CCDC178: variants seen among roughly 807,000 people sequenced by gnomAD.
CCDC178 encodes coiled-coil domain containing 178, also known as coiled-coil domain-containing protein 178.
CCDC178 carries 126 observed loss-of-function variants against 117.4 expected under a neutral mutation model. The ratio of observed to expected loss-of-function variants is 1.07; its 90% CI spans 0.93 to 1.24. The LOEUF is 1.24. Ranked by LOEUF, CCDC178 falls within the 50% of genes most tolerant of loss-of-function variation. The pLI is 0.00. For synonymous variants in CCDC178, 283 were observed against 313.4 expected, an observed-to-expected ratio of 0.90 and a Z score of 1.02; for missense variants, 1,030 against 986.9, an observed-to-expected ratio of 1.04 and a Z score of -0.59.
chr18:33,276,363 T>G (rs1180757740), intron 12 of CCDC178, among the ~76,000 whole-genome samples: 4 of 152,092 alleles, frequency 2.6e-5, no homozygotes, highest in Non-Finnish European at 4.4e-5. Context: ...TTAGGACAGT[T>G]AAACTTGAGA....
chr18:32,959,399 T>C (rs978690209), intron 22 of CCDC178, among the ~76,000 whole-genome samples: 1 of 152,126 alleles, frequency 6.6e-6, no homozygotes, highest in African/African-American at 2.4e-5. Context: ...GTGTACACTT[T>C]CTATGAAACA....
chr18:32,985,285 A>G (rs1173185052), intron 21 of CCDC178, among the ~76,000 whole-genome samples: 1 of 151,996 alleles, frequency 6.6e-6, no homozygotes, highest in Non-Finnish European at 1.5e-5. Flanking sequence ...CAAAAATTCA[A>G]CTGCAAATGT....
chr18:33,055,070 G>A (rs1160243726), intron 21 of CCDC178, among the ~76,000 whole-genome samples: 2 of 152,168 alleles, frequency 1.3e-5, no homozygotes, highest in African/African-American at 4.8e-5. Flanking sequence ...CTGCATGTAT[G>A]TCTTCTTTTG....
chr18:33,215,782 T>C, intron 18 of CCDC178, 87 bp from the exon 19 acceptor site: 1 of 1,052,130 alleles, frequency 9.5e-7, no homozygotes, highest in Non-Finnish European at 1.3e-6. Context: ...ATTGGCTGTG[T>C]GAACAACTAA....
chr18:33,088,427 C>T (rs1208287975), intron 21 of CCDC178, among the ~76,000 whole-genome samples: 1 of 151,922 alleles, frequency 6.6e-6, no homozygotes, highest in Non-Finnish European at 1.5e-5. Context: ...TATGGAATAT[C>T]TCTCCATCTA....
intron 20 of CCDC178, among the ~76,000 whole-genome samples, chr18:33,148,477 GGAGGGA>G (rs796141264): frequency 3.5e-4 from 53 of 151,292 alleles, no homozygotes; most frequent in African/African-American, 1.1e-3. Context: ...GGGGAGAGGG[GGAGGGA>G]GAGGGAGAGG....
Position 32,974,682 on chromosome 18 carries a change from C to A in CCDC178, c.2389-1G>T. On this transcript the variant is annotated splice_acceptor_variant, in intron 21 of 22. Transcript: ENST00000383096. LOFTEE classifies it high-confidence loss of function. ...GCATCCTTCTCTGCAGCTGACAGAG[C>A]TAAAGGGAAGAGGGAGGGGAGAAAA... 1 of 1,612,248 alleles carries A rather than the reference C, an allele frequency of 6.2e-7. No homozygotes were observed. Among genetic ancestry groups the A allele is most frequent in the Non-Finnish European group, 8.5e-7 (1 of 1,179,606 alleles).
At chr18:33,211,165 CAGAAA>C (rs1180570939) in intron 20 of CCDC178, among the ~76,000 whole-genome samples, 1 of 151,660 alleles carries the variant, frequency 6.6e-6, no homozygotes, top group Non-Finnish European at 1.5e-5. Flanking sequence ...AAAACTTTCA[CAGAAA>C]AGAGTTTTAA....
chr18:33,425,630 C>G (rs538390596), intron 2 of CCDC178, among the ~76,000 whole-genome samples: 6 of 152,158 alleles, frequency 3.9e-5, no homozygotes, highest in Non-Finnish European at 5.9e-5. Flanking sequence ...GTGTCTGTAT[C>G]TGATCCAATC....
In CCDC178 at chr18:33,138,248, T is replaced by A. The variant is rs2058153291; in HGVS notation, c.2239-45338A>T. Among the ~76,000 whole-genome samples the A allele has an allele frequency of 3.3e-5, 5 of 152,374 alleles. No individual in the cohort carries two copies. The South Asian group carries it at 1.0e-3, about 32-fold the overall frequency. ...GTTACTTAATTCTTTGCATGTCAACTACTTATTAATGTTTATGTATATCTA... is the reference window on the plus strand; with the variant it reads ...GTTACTTAATTCTTTGCATGTCAACAACTTATTAATGTTTATGTATATCTA... On this transcript the variant is annotated intron_variant, in intron 20 of 22. Transcript: ENST00000383096.
intron 21 of CCDC178, among the ~76,000 whole-genome samples, chr18:33,001,262 G>C (rs2055626183): frequency 6.6e-6 from 1 of 152,178 alleles, no homozygotes. Context: ...GCTCATGCCT[G>C]TAATCCCAGC....
Position 33,215,586 on chromosome 18 carries a change from TC to T in CCDC178, c.2041del (p.Glu681LysfsTer12). The T allele has an allele frequency of 6.7e-7, 1 of 1,486,480 alleles. No homozygotes were observed. The highest frequency in any genetic ancestry group is 9.0e-7 in the Non-Finnish European group (1 of 1,112,026). 92.1% of individuals were successfully genotyped at this position (1,486,480 alleles called of 1,614,324 possible). A position where few individuals can be genotyped will look rare whatever the true frequency, so the allele number is the denominator to read the frequency against. ...LNEELKAKEE[E>X]KKSFDQTLEI... ...AAGTGTCTGATCAAAACTTTTCTTTTCTTCTTCTTTTGCTTTTAATTCCTCA... is the reference window on the plus strand; with the variant it reads ...AAGTGTCTGATCAAAACTTTTCTTTTTTCTTCTTTTGCTTTTAATTCCTCA... On this transcript the variant is annotated frameshift_variant, in exon 19 of 23. Coordinates refer to ENST00000383096, the MANE Select transcript of CCDC178 (RefSeq NM_001105528.4). LOFTEE classifies it high-confidence loss of function.
At chr18:33,193,479 TG>T (rs1407024888) in intron 20 of CCDC178, among the ~76,000 whole-genome samples, 2 of 152,168 alleles carry the variant, frequency 1.3e-5, no homozygotes, top group African/African-American at 2.4e-5. Flanking sequence ...TACTGTGGAA[TG>T]CTTCATTTGA....
intron 20 of CCDC178, among the ~76,000 whole-genome samples, chr18:33,175,963 A>AT (rs549890222): frequency 4.6e-5 from 7 of 151,144 alleles, no homozygotes; most frequent in South Asian, 2.1e-4. Flanking sequence ...ATTCCTACTG[A>AT]TTTTTTTTTC....
chr18:33,220,746 G>T lies in CCDC178; in HGVS notation c.1932+2360C>A, dbSNP rs117806952. 1.1e-3 allele frequency among the ~76,000 whole-genome samples: 161 copies of T among 152,140 alleles called. 1 individual carries two copies. The highest frequency in any genetic ancestry group is 8.7e-3 in the East Asian group (45 of 5,160). On this transcript the variant is annotated intron_variant, in intron 18 of 22. Transcript: ENST00000383096. ...TAATAATTAATGAAGTTCATAAGAG[G>T]TAGCTGACCTACCTGACTTCTACTG...
At chr18:33,062,404 C>T (rs1344208434) in intron 21 of CCDC178, among the ~76,000 whole-genome samples, 1 of 152,162 alleles carries the variant, frequency 6.6e-6, no homozygotes, top group Non-Finnish European at 1.5e-5. Context: ...AAACAGCGAA[C>T]AGGTAACCAT....
Position 33,174,919 on chromosome 18 carries a change from A to T in CCDC178, c.2238+36977T>A, listed in dbSNP as rs374865243. Among the ~76,000 whole-genome samples the T allele has an allele frequency of 2.9e-3, 438 of 152,136 alleles. 2 individuals carry two copies. Among genetic ancestry groups the T allele is most frequent in the Non-Finnish European group, 3.8e-3 (261 of 68,012 alleles). ...TCCCAGGCTGGAGTGCAGTGGCGTG[A>T]TCTCAGCTCACTGCAACCTCTGCCT... On this transcript the variant is annotated intron_variant, in intron 20 of 22. Transcript: ENST00000383096.
chr18:32,966,967 T>G (rs567468858), intron 22 of CCDC178, among the ~76,000 whole-genome samples: 41 of 151,834 alleles, frequency 2.7e-4, no homozygotes, highest in Non-Finnish European at 4.9e-4. Flanking sequence ...AAGTTTTTTT[T>G]GTTGATTCTC....
intron 21 of CCDC178, among the ~76,000 whole-genome samples, chr18:33,004,014 G>T (rs1212644436): frequency 6.6e-6 from 1 of 151,954 alleles, no homozygotes; most frequent in East Asian, 1.9e-4. Context: ...ATTGATGAAA[G>T]AAATTGAAAA....
Sources: gnomAD v4.1 joint callset for allele counts (sites outside exome capture counted in the v4.1 genomes callset) on GRCh38, gnomAD v4.1.1 for gene constraint, MANE v1.5 for transcripts, NCBI Gene and HGNC (gene_info 2026-07-23, HGNC 2026-07-21) for gene names.